Variants in ME1 observed in about 807,000 individuals in gnomAD.
ME1 encodes the protein malic enzyme 1.
ME1 carries 74 observed loss-of-function variants against 66.4 expected under a neutral mutation model. The ratio of observed to expected loss-of-function variants is 1.11; its 90% CI spans 0.92 to 1.35. The LOEUF (loss-of-function observed/expected upper bound fraction) is 1.35, where lower values mean the gene tolerates loss of function less well. Among genes scored for constraint, ME1 ranks in the 40% most tolerant of loss-of-function variants. The pLI is 0.00. For synonymous variants in ME1, 251 were observed against 235.6 expected, an observed-to-expected ratio of 1.07 and a Z score of -0.60; for missense variants, 750 against 694.1, an observed-to-expected ratio of 1.08 and a Z score of -0.90.
intron 3 of ME1, among the ~76,000 whole-genome samples, chr6:83,363,072 T>A (rs1266399830): frequency 6.6e-6 from 1 of 152,148 alleles, no homozygotes; most frequent in Non-Finnish European, 1.5e-5. Context: ...GTCCAATATA[T>A]GGCACTGTCT....
Position 83,356,087 on chromosome 6 carries a change from T to A in ME1, c.363-3948A>T, listed in dbSNP as rs149265350. On this transcript the variant is annotated intron_variant, in intron 3 of 13. Coordinates refer to ENST00000369705, the MANE Select transcript of ME1 (RefSeq NM_002395.6). Reference sequence around the variant, plus strand: ...CTTCTTCATGTTATCTCAGATAATATCCCTAAAAGTTTATTTCGTATCAAG... The same window carrying A: ...CTTCTTCATGTTATCTCAGATAATAACCCTAAAAGTTTATTTCGTATCAAG... 6.5e-3 allele frequency among the ~76,000 whole-genome samples: 995 copies of A among 152,224 alleles called. 10 individuals carry two copies. Among genetic ancestry groups the A allele is most frequent in the African/African-American group, 0.023 (943 of 41,550 alleles).
intron 3 of ME1, among the ~76,000 whole-genome samples, chr6:83,370,094 T>C (rs181941197): frequency 6.6e-5 from 10 of 152,256 alleles, no homozygotes; most frequent in Non-Finnish European, 1.0e-4. Flanking sequence ...TTAGGTTAAA[T>C]ACAAGTGATT....
rs557924699 is a variant in ME1 at position 83,333,232 on chromosome 6, T to C, written c.600+12941A>G. On this transcript the variant is annotated intron_variant, in intron 5 of 13. Coordinates refer to ENST00000369705, the MANE Select transcript of ME1 (RefSeq NM_002395.6). ...AAGTGATATTATCAAGCAGTTTCTATATTTTTATTATTAAGTGTAAAATAT... is the reference window on the plus strand; with the variant it reads ...AAGTGATATTATCAAGCAGTTTCTACATTTTTATTATTAAGTGTAAAATAT... Among the ~76,000 whole-genome samples the C allele has an allele frequency of 2.3e-3, 351 of 152,348 alleles. 1 individual carries two copies. Among genetic ancestry groups the C allele is most frequent in the Non-Finnish European group, 4.0e-3 (273 of 68,022 alleles).
At chr6:83,359,721 G>A (rs1055152596) in intron 3 of ME1, among the ~76,000 whole-genome samples, 1 of 152,172 alleles carries the variant, frequency 6.6e-6, no homozygotes, top group African/African-American at 2.4e-5. Flanking sequence ...CCAGTAGGGT[G>A]GGTCCAGAAG....
Position 83,216,570 on chromosome 6 carries a change from T to C in ME1, c.1476A>G (p.Lys492=). Residue 492 remains lysine, a synonymous_variant, in exon 13 of 14, where the codon AAA becomes AAG. Transcript: ENST00000369705. Reference sequence around the variant, plus strand: ...GATAAAGCCGACCCTCTTCCAAGTGTTTATCTGACACTTGCTGAGCTATAA... The same window carrying C: ...GATAAAGCCGACCCTCTTCCAAGTGCTTATCTGACACTTGCTGAGCTATAA... ...AEVIAQQVSD[K]HLEEGRLYPP... 6.2e-7 allele frequency: 1 copy of C among 1,610,090 alleles called. No individual in the cohort carries two copies. Among genetic ancestry groups the C allele is most frequent in the Non-Finnish European group, 8.5e-7 (1 of 1,179,008 alleles).
intron 7 of ME1, among the ~76,000 whole-genome samples, chr6:83,245,186 T>C (rs916064466): frequency 5.9e-5 from 9 of 152,022 alleles, no homozygotes; most frequent in African/African-American, 1.9e-4. Flanking sequence ...AAATATCTTA[T>C]TTTTATGTTT....
chr6:83,418,746 T>A (rs1300763502), intron 1 of ME1, among the ~76,000 whole-genome samples: 1 of 152,178 alleles, frequency 6.6e-6, no homozygotes, highest in Admixed American at 6.5e-5. Flanking sequence ...CTCATTAGGC[T>A]TACAATATAA....
intron 5 of ME1, among the ~76,000 whole-genome samples, chr6:83,345,131 C>T (rs1160400071): frequency 6.6e-6 from 1 of 152,050 alleles, no homozygotes; most frequent in Non-Finnish European, 1.5e-5. Context: ...TCCTGAGTAG[C>T]TAGGACTGTA....
intron 7 of ME1, among the ~76,000 whole-genome samples, 185 bp downstream of exon 7, chr6:83,253,444 T>C (rs1259584361): frequency 6.6e-6 from 1 of 152,136 alleles, no homozygotes; most frequent in Admixed American, 6.6e-5. Flanking sequence ...TGGTATATTA[T>C]ACAGTCAGAG....
At chr6:83,376,804 C>CCAAAAAAAAAAAAAAAA (rs768668584) in intron 3 of ME1, among the ~76,000 whole-genome samples, 2 of 87,126 alleles carry the variant, frequency 2.3e-5, no homozygotes, top group African/African-American at 7.8e-5. Flanking sequence ...CCCTGTCTCA[C>CCAAAAAAAAAAAAAAAA]AAAAAAAAAA....
At chr6:83,375,192 G>T (rs1769264372) in intron 3 of ME1, among the ~76,000 whole-genome samples, 3 of 152,240 alleles carry the variant, frequency 2.0e-5, no homozygotes, top group Admixed American at 2.0e-4. Context: ...GGGCAGTATG[G>T]CCATTTTCAC....
chr6:83,269,282 T>C (rs1767046414), intron 6 of ME1, among the ~76,000 whole-genome samples: 1 of 152,180 alleles, frequency 6.6e-6, no homozygotes, highest in Non-Finnish European at 1.5e-5. Context: ...CATGCAAGTA[T>C]ATAATACATA....
At chr6:83,360,385 T>A (rs1768985656) in intron 3 of ME1, among the ~76,000 whole-genome samples, 1 of 152,184 alleles carries the variant, frequency 6.6e-6, no homozygotes, top group Non-Finnish European at 1.5e-5. Context: ...AACATTATTG[T>A]GGTCCTCCAG....
intron 6 of ME1, among the ~76,000 whole-genome samples, chr6:83,304,560 A>G (rs1363851957): frequency 6.6e-6 from 1 of 152,210 alleles, no homozygotes; most frequent in Non-Finnish European, 1.5e-5. Context: ...TTTACCATGT[A>G]TATACAGAAT....
chr6:83,274,391 G>A (rs908740947), intron 6 of ME1, among the ~76,000 whole-genome samples: 4 of 152,024 alleles, frequency 2.6e-5, no homozygotes, highest in Admixed American at 6.6e-5. Context: ...AAAATTGAAG[G>A]ATTTGATCTT....
chr6:83,388,091 C>CTTTTTTTTTTTTTTTTT (rs57683304), intron 3 of ME1, among the ~76,000 whole-genome samples: 2 of 133,402 alleles, frequency 1.5e-5, no homozygotes, highest in African/African-American at 2.8e-5. Context: ...TCCTTCCTTC[C>CTTTTTTTTTTTTTTTTT]TTTTTTTTTT....
At chr6:83,266,265 G>A (rs1337354206) in intron 6 of ME1, among the ~76,000 whole-genome samples, 2 of 152,156 alleles carry the variant, frequency 1.3e-5, no homozygotes, top group Admixed American at 1.3e-4. Flanking sequence ...AACTTTGAAA[G>A]CCAATATCCA....
In ME1 at chr6:83,261,420, A is replaced by T. The variant is rs1436765499; in HGVS notation, c.705-7682T>A. 7.3e-4 allele frequency among the ~76,000 whole-genome samples: 81 copies of T among 110,870 alleles called. 1 individual carries two copies. Among genetic ancestry groups the T allele is most frequent in the African/African-American group, 2.5e-3 (70 of 28,380 alleles). 72.7% of individuals were successfully genotyped at this position (110,870 alleles called of 152,430 possible). A position where few individuals can be genotyped will look rare whatever the true frequency, so the allele number is the denominator to read the frequency against. On this transcript the variant is annotated intron_variant, in intron 6 of 13. Transcript: ENST00000369705. ...AGGTTCTTTGTTTACTCTGTTGGTA[A>T]TTTTTTTTTTTTTTTTTTTGCTGTG...
chr6:83,430,378 G>A (rs1358482268), intron 1 of ME1, among the ~76,000 whole-genome samples: 1 of 152,136 alleles, frequency 6.6e-6, no homozygotes, highest in Non-Finnish European at 1.5e-5. Context: ...GATTGCTAAC[G>A]TGATCTGAAG....
Sources: gnomAD v4.1 joint callset for allele counts (sites outside exome capture counted in the v4.1 genomes callset) on GRCh38, gnomAD v4.1.1 for gene constraint, MANE v1.5 for transcripts, NCBI Gene and HGNC (gene_info 2026-07-23, HGNC 2026-07-21) for gene names.